Variants in INVS observed in about 807,000 individuals in gnomAD.
The protein encoded by INVS is inversin.
INVS carries 86 observed loss-of-function variants against 108.8 expected under a neutral mutation model. That is an observed-to-expected ratio of 0.79 (90% CI 0.66 to 0.95). The LOEUF (loss-of-function observed/expected upper bound fraction) is 0.95. Among genes scored for constraint, INVS ranks in the 40% least tolerant of loss-of-function variants. The probability of loss-of-function intolerance (pLI) is 0.00; values close to 1 mark genes in which losing one functional copy is unlikely to be tolerated. For missense variants in INVS, 1,169 were observed against 1,297.4 expected (o/e 0.90, Z 1.52); for synonymous variants, 455 against 473.5 (o/e 0.96, Z 0.51).
intron 3 of INVS, among the ~76,000 whole-genome samples, chr9:100,174,261 A>G (rs1829637880): frequency 6.6e-6 from 1 of 152,232 alleles, no homozygotes; most frequent in Non-Finnish European, 1.5e-5. Context: ...GCAGAAAAAT[A>G]GAAACTCTAT....
At chr9:100,125,455 A>G (rs1482111949) in intron 2 of INVS, among the ~76,000 whole-genome samples, 1 of 152,166 alleles carries the variant, frequency 6.6e-6, no homozygotes, top group African/African-American at 2.4e-5. Flanking sequence ...ACTGTAGCCC[A>G]TAATGGGAGG....
At chr9:100,167,076 C>G (rs927944352) in intron 3 of INVS, among the ~76,000 whole-genome samples, 12 of 152,150 alleles carry the variant, frequency 7.9e-5, no homozygotes, top group African/African-American at 2.9e-4. Context: ...ACTAAAAATA[C>G]AAAATTTACC....
At chr9:100,192,629 T>A (rs1297459796) in intron 3 of INVS, among the ~76,000 whole-genome samples, 3 of 152,216 alleles carry the variant, frequency 2.0e-5, no homozygotes, top group Non-Finnish European at 4.4e-5. Flanking sequence ...AGATACTGCC[T>A]AATGGTTTTC....
intron 9 of INVS, among the ~76,000 whole-genome samples, chr9:100,252,642 ACCTG>A (rs1832274689): frequency 6.6e-6 from 1 of 152,194 alleles, no homozygotes; most frequent in African/African-American, 2.4e-5. Context: ...AAGTAATTTC[ACCTG>A]CCTGATCTTC....
At chr9:100,282,930 T>G (rs1456451502) in intron 12 of INVS, among the ~76,000 whole-genome samples, 2 of 152,092 alleles carry the variant, frequency 1.3e-5, no homozygotes, top group African/African-American at 4.8e-5. Flanking sequence ...TGCAGAATCT[T>G]GAGTTCTCTC....
At chr9:100,268,838 G>C (rs796125120) in intron 11 of INVS, among the ~76,000 whole-genome samples, 1 of 152,130 alleles carries the variant, frequency 6.6e-6, no homozygotes. Flanking sequence ...AGAATGCCCA[G>C]GGTCACACAG....
At chr9:100,151,361 C>G (rs1054290238) in intron 3 of INVS, among the ~76,000 whole-genome samples, 8 of 152,120 alleles carry the variant, frequency 5.3e-5, no homozygotes, top group Middle Eastern at 3.4e-3. Context: ...TGCCTGTGGT[C>G]CTAGCCACTC....
Position 100,284,476 on chromosome 9 carries a change from C to T in INVS, c.1941C>T (p.Gly647=). 1 of 1,614,114 alleles carries T rather than the reference C, an allele frequency of 6.2e-7. No homozygotes were observed. Among genetic ancestry groups the T allele is most frequent in the South Asian group, 1.1e-5 (1 of 91,078 alleles). ...SRAPSKQPPA[G]NVAQGPEPRD... ...CCCCCAGCAAGCAGCCTCCTGCTGGCAACGTGGCCCAAGGCCCTGAGCCAA... is the reference window on the plus strand; with the variant it reads ...CCCCCAGCAAGCAGCCTCCTGCTGGTAACGTGGCCCAAGGCCCTGAGCCAA... The change falls in exon 13 of 17, where the codon GGC becomes GGT. Residue 647 remains glycine, a synonymous_variant. Coordinates refer to ENST00000262457, the MANE Select transcript of INVS (RefSeq NM_014425.5).
chr9:100,260,731 T>TG (rs918362859), intron 10 of INVS, among the ~76,000 whole-genome samples: 1 of 152,070 alleles, frequency 6.6e-6, no homozygotes, highest in Non-Finnish European at 1.5e-5. Flanking sequence ...ATAACAACAG[T>TG]GGGGGAAGCT....
chr9:100,175,902 C>G, intron 3 of INVS: 3 of 592,988 alleles, frequency 5.1e-6, no homozygotes, highest in South Asian at 4.1e-5. Flanking sequence ...CATGCGGTTC[C>G]AGCAAATTCT....
intron 2 of INVS, among the ~76,000 whole-genome samples, chr9:100,111,492 G>A (rs535855157): frequency 2.6e-5 from 4 of 152,352 alleles, no homozygotes; most frequent in South Asian, 4.1e-4. Context: ...CAGAATGCCA[G>A]CCACGTTGAG....
Position 100,273,056 on chromosome 9 carries a change from G to A in INVS, c.1764G>A (p.Leu588=), listed in dbSNP as rs1330214552. The change falls in exon 12 of 17, where the codon TTG becomes TTA. Residue 588 remains leucine, a synonymous_variant. Coordinates refer to ENST00000262457, the MANE Select transcript of INVS (RefSeq NM_014425.5). ...RKNLLMKHEQ[L]RKDAAAKKRE... ...ATCTCCTCATGAAGCATGAACAGTT[G>A]AGAAAAGATGCTGCTGCCAAGTAAG... 1 of 1,613,988 alleles carries A rather than the reference G, an allele frequency of 6.2e-7. No individual in the cohort carries two copies. Among genetic ancestry groups the A allele is most frequent in the Non-Finnish European group, 8.5e-7 (1 of 1,179,952 alleles).
intron 13 of INVS, among the ~76,000 whole-genome samples, chr9:100,286,388 T>C (rs1833442977): frequency 6.6e-6 from 1 of 152,112 alleles, no homozygotes; most frequent in Admixed American, 6.5e-5. Flanking sequence ...ACTCCATCTC[T>C]ACTAAAAATA....
intron 3 of INVS, among the ~76,000 whole-genome samples, chr9:100,135,011 A>T (rs1828177807): frequency 6.6e-6 from 1 of 152,192 alleles, no homozygotes; most frequent in African/African-American, 2.4e-5. Context: ...TACCTAAAAG[A>T]TGGGTAATAT....
At chr9:100,273,507 G>T (rs1011116669) in intron 12 of INVS, among the ~76,000 whole-genome samples, 6 of 123,884 alleles carry the variant, frequency 4.8e-5, no homozygotes, top group Admixed American at 2.4e-4. Context: ...AAACAACTTG[G>T]TTTTTTTTTC....
chr9:100,118,629 T>C (rs1827627433), intron 2 of INVS, among the ~76,000 whole-genome samples: 1 of 152,158 alleles, frequency 6.6e-6, no homozygotes, highest in Non-Finnish European at 1.5e-5. Context: ...GTATATGTTT[T>C]TGTTTTTGTA....
chr9:100,129,762 C>T, intron 3 of INVS: 1 of 666,680 alleles, frequency 1.5e-6, no homozygotes, highest in Non-Finnish European at 2.8e-6. Context: ...CCACATTCAT[C>T]CTGGCCTTTT....
chr9:100,151,493 A>AAT (rs544914819), intron 3 of INVS, among the ~76,000 whole-genome samples: 95 of 151,860 alleles, frequency 6.3e-4, no homozygotes, highest in Admixed American at 5.9e-4. Context: ...AATAATAATA[A>AAT]ATATATATAT....
Position 100,267,016 on chromosome 9 carries a change from C to T in INVS, c.1571+2088C>T, listed in dbSNP as rs1259475450. Among the ~76,000 whole-genome samples the T allele has an allele frequency of 4.5e-5, 3 of 67,032 alleles. No homozygotes were observed. In the South Asian group the frequency reaches 2.1e-3, roughly 48 times the overall value. 44.0% of individuals were successfully genotyped at this position (67,032 alleles called of 152,430 possible). On this transcript the variant is annotated intron_variant, in intron 11 of 16. Coordinates refer to ENST00000262457, the MANE Select transcript of INVS (RefSeq NM_014425.5). ...GAGCTGAAGATGTCTCCCTTTGAAA[C>T]TCTAAAAAAAAAAAAAAAAAAAAAA...
Sources: gnomAD v4.1 joint callset for allele counts (sites outside exome capture counted in the v4.1 genomes callset) on GRCh38, gnomAD v4.1.1 for gene constraint, MANE v1.5 for transcripts, NCBI Gene and HGNC (gene_info 2026-07-23, HGNC 2026-07-21) for gene names.